The following ATAD2B variants were observed in gnomAD, a reference collection of about 807,000 sequenced individuals.
ATAD2B encodes ATPase family AAA domain containing 2B.
A neutral mutation model predicts 167.6 loss-of-function variants in ATAD2B; 40 were observed. That is an observed-to-expected ratio of 0.24 (90% CI 0.19 to 0.31). The LOEUF is 0.31. ATAD2B is among the 10% of genes least tolerant of loss of function. The probability of loss-of-function intolerance (pLI) is 1.00; values close to 1 mark genes in which losing one functional copy is unlikely to be tolerated. For missense variants in ATAD2B, 1,242 were observed against 1,757.2 expected (o/e 0.71, Z 5.24); for synonymous variants, 579 against 596.5 (o/e 0.97, Z 0.43).
At chr2:23,735,155 A>G in the ATAD2B span, among the ~76,000 whole-genome samples, 1 of 152,240 alleles carries the variant, frequency 6.6e-6, no homozygotes, top group Non-Finnish European at 1.5e-5. Flanking sequence ...CAAACTACCT[A>G]TACAGCATTA....
intron 13 of ATAD2B, among the ~76,000 whole-genome samples, chr2:23,854,228 G>A (rs1693002983): frequency 6.6e-6 from 1 of 150,518 alleles, no homozygotes; most frequent in Non-Finnish European, 1.5e-5. Context: ...CTGGGCAACA[G>A]AGTGACACTC....
At chr2:23,755,650 C>T (rs919499524) in intron 25 of ATAD2B, among the ~76,000 whole-genome samples, 2 of 152,240 alleles carry the variant, frequency 1.3e-5, no homozygotes, top group Middle Eastern at 3.4e-3. Flanking sequence ...TTAAGTGTCT[C>T]AATGCAGGGA....
At chr2:23,806,923 G>T (rs537611738) in intron 18 of ATAD2B, among the ~76,000 whole-genome samples, 1 of 152,302 alleles carries the variant, frequency 6.6e-6, no homozygotes, top group African/African-American at 2.4e-5. Context: ...CTGAACTAAA[G>T]AAATTTAGCA....
At chr2:23,844,734 T>C (rs1191583390) in intron 13 of ATAD2B, among the ~76,000 whole-genome samples, 1 of 151,884 alleles carries the variant, frequency 6.6e-6, no homozygotes, top group Non-Finnish European at 1.5e-5. Flanking sequence ...TTCGGCAAAC[T>C]ATGGGACAAC....
chr2:23,880,040 T>C (rs1303618775), intron 7 of ATAD2B, among the ~76,000 whole-genome samples: 2 of 148,874 alleles, frequency 1.3e-5, no homozygotes, highest in Admixed American at 1.3e-4. Context: ...TCTGGGTGAC[T>C]GCAGACTCTG....
downstream of ATAD2B, among the ~76,000 whole-genome samples, chr2:23,744,331 G>GT (rs1674685240): frequency 6.6e-6 from 1 of 150,980 alleles, no homozygotes; most frequent in South Asian, 2.1e-4. Context: ...GGGAACTGCT[G>GT]TTTTTTATAA....
chr2:23,896,153 CAAAA>C (rs1158562523), intron 1 of ATAD2B, among the ~76,000 whole-genome samples, 183 bp from the exon 2 acceptor site: 41 of 125,586 alleles, frequency 3.3e-4, no homozygotes, highest in African/African-American at 1.2e-3. Flanking sequence ...CCGCCTCTAC[CAAAA>C]AAAAAAAAAA....
intron 18 of ATAD2B, among the ~76,000 whole-genome samples, chr2:23,799,310 C>T (rs1029005176): frequency 5.9e-5 from 9 of 152,038 alleles, no homozygotes; most frequent in Middle Eastern, 3.2e-3. Flanking sequence ...CGGTGGCTCA[C>T]GCCTGTAATC....
At chr2:23,698,417 T>C in the ATAD2B span, among the ~76,000 whole-genome samples, 81,643 of 152,040 alleles carry the variant, frequency 0.54, 22,668 homozygotes, top group East Asian at 0.79. Flanking sequence ...GTAGGTTGCT[T>C]TCTGTGGCAC....
intron 7 of ATAD2B, among the ~76,000 whole-genome samples, chr2:23,879,694 G>A (rs2150195726): frequency 1.3e-5 from 2 of 152,200 alleles, no homozygotes; most frequent in Middle Eastern, 6.8e-3. Flanking sequence ...TAAGTTATTG[G>A]CCAAGCTGCA....
At chr2:23,687,871 G>A in the ATAD2B span, among the ~76,000 whole-genome samples, 1 of 152,190 alleles carries the variant, frequency 6.6e-6, no homozygotes, top group Non-Finnish European at 1.5e-5. Context: ...GAGCCTGGGG[G>A]CGTTGCGACC....
At chr2:23,832,139 C>A in intron 14 of ATAD2B, 1 of 437,868 alleles carries the variant, frequency 2.3e-6, no homozygotes, top group Non-Finnish European at 4.7e-6. Context: ...GTTAATCACA[C>A]CCTCCTCATT....
intron 20 of ATAD2B, among the ~76,000 whole-genome samples, chr2:23,787,238 T>C (rs1042930154): frequency 1.5e-4 from 23 of 152,072 alleles, no homozygotes; most frequent in African/African-American, 5.3e-4. Context: ...TCCCCTGATA[T>C]CACACTACAG....
At chr2:23,883,868 G>C (rs1343465508) in intron 6 of ATAD2B, among the ~76,000 whole-genome samples, 1 of 152,192 alleles carries the variant, frequency 6.6e-6, no homozygotes, top group Non-Finnish European at 1.5e-5. Context: ...GCCAGGCCGG[G>C]TGCAGTGGCT....
chr2:23,720,325 G>A, the ATAD2B span, among the ~76,000 whole-genome samples: 1 of 152,162 alleles, frequency 6.6e-6, no homozygotes, highest in Non-Finnish European at 1.5e-5. Flanking sequence ...TGTAATCCCA[G>A]CACTTTGGGA....
At chr2:23,920,971 G>A (rs911268148) in intron 1 of ATAD2B, among the ~76,000 whole-genome samples, 6 of 152,068 alleles carry the variant, frequency 3.9e-5, no homozygotes, top group Admixed American at 6.6e-5. Flanking sequence ...TTGGGAGACC[G>A]AGGCGGGCGG....
chr2:23,798,789 A>C (rs1450710550), intron 18 of ATAD2B, among the ~76,000 whole-genome samples: 2 of 152,212 alleles, frequency 1.3e-5, no homozygotes, highest in Non-Finnish European at 2.9e-5. Context: ...AATCATTTTA[A>C]CCAAGATGTA....
At chr2:23,736,305 A>G in the ATAD2B span, among the ~76,000 whole-genome samples, 1 of 152,098 alleles carries the variant, frequency 6.6e-6, no homozygotes, top group African/African-American at 2.4e-5. Flanking sequence ...GCTCTCTCCT[A>G]ACTGGAGATT....
the ATAD2B span, among the ~76,000 whole-genome samples, chr2:23,694,203 C>T: frequency 6.6e-6 from 1 of 152,260 alleles, no homozygotes; most frequent in Non-Finnish European, 1.5e-5. Flanking sequence ...GTCTAATTCA[C>T]CAAGCCGAAA....
Sources: allele counts gnomAD v4.1 joint callset (sites outside exome capture counted in the v4.1 genomes callset), GRCh38; gene constraint gnomAD v4.1.1; transcripts MANE v1.5; gene names NCBI Gene and HGNC (gene_info 2026-07-23, HGNC 2026-07-21).